Variants in GABRA4 observed in about 807,000 individuals in gnomAD.
The protein encoded by GABRA4 is gamma-aminobutyric acid receptor subunit alpha-4.
A neutral mutation model predicts 49.7 loss-of-function variants in GABRA4; 12 were observed. The observed-to-expected ratio is 0.24, with a 90% CI of 0.15 to 0.39. The LOEUF (loss-of-function observed/expected upper bound fraction) is 0.39, where lower values mean the gene tolerates loss of function less well. Ranked by LOEUF, GABRA4 falls within the 10% of genes least tolerant of loss-of-function variation. The pLI is 1.00. For missense variants in GABRA4, 506 were observed against 686.0 expected (o/e 0.74, Z 2.93); for synonymous variants, 288 against 240.2 (o/e 1.20, Z -1.84).
At chr4:46,983,040 C>A (rs1283943937) in intron 2 of GABRA4, among the ~76,000 whole-genome samples, 1 of 151,966 alleles carries the variant, frequency 6.6e-6, no homozygotes, top group Non-Finnish European at 1.5e-5. Context: ...TTCATGTAAT[C>A]CTCACGACAC....
intron 2 of GABRA4, among the ~76,000 whole-genome samples, chr4:46,984,945 G>T (rs1486569100): frequency 6.6e-6 from 1 of 151,888 alleles, no homozygotes; most frequent in Admixed American, 6.6e-5. Context: ...ATATGCAAAA[G>T]AAACTCTTGC....
Position 46,919,951 on chromosome 4 carries a change from C to T in GABRA4, c.*8274G>A, listed in dbSNP as rs1333158525. The T allele has an allele frequency of 6.6e-6, 1 of 151,654 alleles. No individual in the cohort carries two copies. The highest frequency in any genetic ancestry group is 1.5e-5 in the Non-Finnish European group (1 of 67,670). The allele number at this position is 151,654 out of a possible 1,614,324, so 9.4% of individuals were successfully genotyped here. On this transcript the variant is annotated 3_prime_UTR_variant, in exon 9 of 9. Coordinates refer to ENST00000264318, the MANE Select transcript of GABRA4 (RefSeq NM_000809.4). ...AAATCATATAACCTTACCTTATCAA[C>T]CAACAATTATTTTTCTGCCCCTTGA...
intron 5 of GABRA4, among the ~76,000 whole-genome samples, chr4:46,976,395 A>C (rs1723141187): frequency 6.8e-6 from 1 of 146,846 alleles, no homozygotes; most frequent in African/African-American, 2.5e-5. Flanking sequence ...GTGGAACTGT[A>C]AAATGTCAAA....
chr4:46,949,560 T>C (rs1722093723), intron 8 of GABRA4, among the ~76,000 whole-genome samples: 1 of 152,124 alleles, frequency 6.6e-6, no homozygotes, highest in South Asian at 2.1e-4. Context: ...AATCATTTGC[T>C]AGGAATTTGA....
At chr4:46,930,842 A>C (rs1304811796) in intron 8 of GABRA4, among the ~76,000 whole-genome samples, 1 of 152,020 alleles carries the variant, frequency 6.6e-6, no homozygotes, top group East Asian at 1.9e-4. Context: ...AATGCAAAAA[A>C]AAAACCTGTT....
intron 2 of GABRA4, among the ~76,000 whole-genome samples, chr4:46,983,736 T>C (rs1723437803): frequency 6.6e-6 from 1 of 152,130 alleles, no homozygotes; most frequent in South Asian, 2.1e-4. Context: ...AAATCAAACT[T>C]ACTCAGAGTA....
At position 46,925,712 on chromosome 4, in the gene GABRA4, A is replaced by T. The variant is rs1721196390; in HGVS notation, c.*2513T>A. 7.7e-6 allele frequency: 1 copy of T among 129,318 alleles called. No individual in the cohort carries two copies. Among genetic ancestry groups the T allele is most frequent in the Non-Finnish European group, 1.6e-5 (1 of 61,808 alleles). 8.0% of individuals were successfully genotyped at this position (129,318 alleles called of 1,614,324 possible). ...GAAATTCAGTTAAGGAAAGCAAACA[A>T]CATATTATTATTATTATTATTATTA... is the stretch of plus-strand genomic sequence containing the variant. On this transcript the variant is annotated 3_prime_UTR_variant, in exon 9 of 9. Coordinates refer to ENST00000264318, the MANE Select transcript of GABRA4 (RefSeq NM_000809.4).
chr4:46,924,811 A>G lies in GABRA4; in HGVS notation c.*3414T>C, dbSNP rs190212377. 2 of 152,138 alleles carry G rather than the reference A, an allele frequency of 1.3e-5. No homozygotes were observed. Among genetic ancestry groups the G allele is most frequent in the East Asian group, 3.9e-4 (2 of 5,164 alleles). 9.4% of individuals were successfully genotyped at this position (152,138 alleles called of 1,614,324 possible). On this transcript the variant is annotated 3_prime_UTR_variant, in exon 9 of 9. Transcript: ENST00000264318. ...AGAGTATGCTTGTATTTACTATGAG[A>G]ATCAGAGAGTATTAAAACTGAAAAG...
intron 5 of GABRA4, among the ~76,000 whole-genome samples, chr4:46,976,634 T>C (rs950763784): frequency 1.3e-5 from 2 of 151,798 alleles, no homozygotes; most frequent in African/African-American, 4.8e-5. Flanking sequence ...AAGTTAGCTA[T>C]GAAGGACTGC....
intron 6 of GABRA4, among the ~76,000 whole-genome samples, chr4:46,972,183 T>A (rs1722971421): frequency 6.6e-6 from 1 of 151,600 alleles, no homozygotes; most frequent in East Asian, 1.9e-4. Context: ...TATTGTTTCA[T>A]AATTGATGTG....
chr4:46,931,816 G>T (rs953150175), intron 8 of GABRA4, among the ~76,000 whole-genome samples: 2 of 152,140 alleles, frequency 1.3e-5, no homozygotes, highest in African/African-American at 4.8e-5. Context: ...AGAATAGCCA[G>T]TTATCACAAT....
rs564466419 is a variant in GABRA4 at position 46,949,388 on chromosome 4, C to T, written c.1134+15582G>A. Among the ~76,000 whole-genome samples, 99 of 151,786 alleles carry T rather than the reference C, an allele frequency of 6.5e-4. 1 individual carries two copies. Among genetic ancestry groups the T allele is most frequent in the Admixed American group, 2.6e-3 (40 of 15,198 alleles). ...AGAAGACCATCTTTTACATTTGTTC[C>T]CTTGTTAGGGTGATTACCTAATCTA... On this transcript the variant is annotated intron_variant, in intron 8 of 8. Transcript: ENST00000264318.
chr4:46,970,129 T>G (rs1295174704), intron 7 of GABRA4, among the ~76,000 whole-genome samples: 1 of 151,366 alleles, frequency 6.6e-6, no homozygotes, highest in Non-Finnish European at 1.5e-5. Flanking sequence ...TAATCAATAG[T>G]TCTTGAAAAG....
chr4:46,939,229 C>T (rs563531669), intron 8 of GABRA4, among the ~76,000 whole-genome samples: 1 of 151,888 alleles, frequency 6.6e-6, no homozygotes, highest in South Asian at 2.1e-4. Context: ...TCTAAATTTC[C>T]CTTCTCTTCT....
chr4:46,955,256 C>A (rs1488561707), intron 8 of GABRA4, among the ~76,000 whole-genome samples: 3 of 152,066 alleles, frequency 2.0e-5, no homozygotes, highest in African/African-American at 7.2e-5. Flanking sequence ...CCTCCTTGAT[C>A]ACCAGTTAAT....
Position 46,925,916 on chromosome 4 carries a change from T to C in GABRA4, c.*2309A>G, listed in dbSNP as rs753541354. ...CACATGATGTATTTTTAAACCTTCA[T>C]ATGTAAAGGTAAGAAAAAAAATCAT... is the stretch of plus-strand genomic sequence containing the variant. On this transcript the variant is annotated 3_prime_UTR_variant, in exon 9 of 9. Transcript: ENST00000264318. The C allele has an allele frequency of 3.3e-5, 5 of 151,538 alleles. No individual in the cohort carries two copies. The highest frequency in any genetic ancestry group is 1.3e-4 in the Admixed American group (2 of 15,148). 9.4% of individuals were successfully genotyped at this position (151,538 alleles called of 1,614,324 possible).
At chr4:46,945,948 T>A (rs886217922) in intron 8 of GABRA4, among the ~76,000 whole-genome samples, 1 of 152,122 alleles carries the variant, frequency 6.6e-6, no homozygotes, top group African/African-American at 2.4e-5. Context: ...GTCAAAGCAA[T>A]GCTTTAAAGA....
intron 8 of GABRA4, among the ~76,000 whole-genome samples, chr4:46,945,654 G>T (rs1387786799): frequency 2.0e-5 from 3 of 152,066 alleles, no homozygotes; most frequent in Non-Finnish European, 4.4e-5. Flanking sequence ...TGCTCTTAGA[G>T]AGGACATAGT....
chr4:46,989,807 C>T (rs1362656897), intron 2 of GABRA4, among the ~76,000 whole-genome samples: 1 of 152,126 alleles, frequency 6.6e-6, no homozygotes, highest in Non-Finnish European at 1.5e-5. Flanking sequence ...GGAAGTAAAT[C>T]CATATTTATA....
Sources: gnomAD v4.1 joint callset for allele counts (sites outside exome capture counted in the v4.1 genomes callset) on GRCh38, gnomAD v4.1.1 for gene constraint, MANE v1.5 for transcripts, NCBI Gene and HGNC (gene_info 2026-07-23, HGNC 2026-07-21) for gene names.